The following TMEM178B variants were observed in gnomAD, a reference collection of about 807,000 sequenced individuals.
TMEM178B encodes transmembrane protein 178B.
TMEM178B carries 5 observed loss-of-function variants against 31.0 expected under a neutral mutation model. The ratio of observed to expected loss-of-function variants is 0.16; its 90% CI spans 0.08 to 0.34. The LOEUF is 0.34. Ranked by LOEUF, TMEM178B falls within the 10% of genes least tolerant of loss-of-function variation. The probability of loss-of-function intolerance (pLI) is 1.00; values close to 1 mark genes in which losing one functional copy is unlikely to be tolerated. For missense variants in TMEM178B, 275 were observed against 400.3 expected (o/e 0.69, Z 2.67); for synonymous variants, 164 against 164.0 (o/e 1.00, Z 0.00).
At chr7:141,417,114 G>A (rs1290007441) in intron 2 of TMEM178B, among the ~76,000 whole-genome samples, 1 of 152,190 alleles carries the variant, frequency 6.6e-6, no homozygotes, top group East Asian at 1.9e-4. Flanking sequence ...AGTAAGTGCT[G>A]AGTAAATGTC....
chr7:141,178,491 C>T (rs1024332748), intron 1 of TMEM178B, among the ~76,000 whole-genome samples: 12 of 152,218 alleles, frequency 7.9e-5, no homozygotes, highest in Admixed American at 4.6e-4. Flanking sequence ...AGATTACTTA[C>T]GCTTTGTGTG....
At chr7:141,431,185 A>G (rs1207091316) in intron 2 of TMEM178B, 1 of 147,962 alleles carries the variant, frequency 6.8e-6, no homozygotes, top group Admixed American at 6.7e-5. Context: ...TTTTTTTTCC[A>G]TGAAAAAAAA....
chr7:141,212,727 G>C, intron 2 of TMEM178B, 23 bp downstream of exon 2: 1 of 1,502,612 alleles, frequency 6.7e-7, no homozygotes, highest in Non-Finnish European at 9.0e-7. Context: ...GAGTCTCAGT[G>C]GCTGTGACTG....
chr7:141,390,254 C>A (rs1229322559), intron 2 of TMEM178B, among the ~76,000 whole-genome samples: 1 of 152,214 alleles, frequency 6.6e-6, no homozygotes, highest in African/African-American at 2.4e-5. Context: ...TTGGGGGCCA[C>A]ACCCTCTATG....
At chr7:141,076,940 A>G (rs1224400514) in intron 1 of TMEM178B, among the ~76,000 whole-genome samples, 1 of 152,316 alleles carries the variant, frequency 6.6e-6, no homozygotes, top group Admixed American at 6.5e-5. Context: ...CAGCCTTACA[A>G]ATCTTGAGAG....
chr7:141,241,453 G>A (rs997473657), intron 2 of TMEM178B, among the ~76,000 whole-genome samples: 2 of 151,916 alleles, frequency 1.3e-5, no homozygotes, highest in African/African-American at 4.8e-5. Context: ...TTAGCTGGGC[G>A]TGGTGGCAGG....
In TMEM178B at chr7:141,472,818, A is replaced by G. The variant is rs553778833; in HGVS notation, c.*2032A>G. Reference sequence around the variant, plus strand: ...GCGTGTATGTAATTCATATCTGGATATGATATGACATCTGATGTGCATGAA... The same window carrying G: ...GCGTGTATGTAATTCATATCTGGATGTGATATGACATCTGATGTGCATGAA... On this transcript the variant is annotated 3_prime_UTR_variant, in exon 4 of 4. Coordinates refer to ENST00000565468, the MANE Select transcript of TMEM178B (RefSeq NM_001195278.2). The G allele has an allele frequency of 1.3e-5, 2 of 152,304 alleles. No individual in the cohort carries two copies. Among genetic ancestry groups the G allele is most frequent in the East Asian group, 1.9e-4 (1 of 5,174 alleles). The allele number at this position is 152,304 out of a possible 1,614,324, so 9.4% of individuals were successfully genotyped here.
At position 141,175,898 on chromosome 7, in the gene TMEM178B, T is replaced by C. The variant is rs535013041; in HGVS notation, c.383-36693T>C. 7.8e-4 allele frequency among the ~76,000 whole-genome samples: 119 copies of C among 152,342 alleles called. No homozygotes were observed. The South Asian group carries it at 0.024, about 31-fold the overall frequency. On this transcript the variant is annotated intron_variant, in intron 1 of 3. Coordinates refer to ENST00000565468, the MANE Select transcript of TMEM178B (RefSeq NM_001195278.2). ...TTTCTAAATATACAAACATGTCATC[T>C]GCAAGCAGAGACCATTTGACTTCCT...
chr7:141,087,323 GA>G (rs1407700047), intron 1 of TMEM178B, among the ~76,000 whole-genome samples: 1 of 152,140 alleles, frequency 6.6e-6, no homozygotes, highest in Non-Finnish European at 1.5e-5. Context: ...ATTCCCTTCT[GA>G]TGTGTAAGAG....
chr7:141,444,233 T>C (rs368491121), intron 3 of TMEM178B, among the ~76,000 whole-genome samples: 2 of 152,198 alleles, frequency 1.3e-5, no homozygotes, highest in African/African-American at 4.8e-5. Flanking sequence ...TGAACTTAGA[T>C]ATATGCTCCA....
At position 141,283,513 on chromosome 7, in the gene TMEM178B, G is replaced by A. The variant is rs1015525854; in HGVS notation, c.496+70809G>A. On this transcript the variant is annotated intron_variant, in intron 2 of 3. Coordinates refer to ENST00000565468, the MANE Select transcript of TMEM178B (RefSeq NM_001195278.2). ...GATGGACTCTGATTTGCTTTTAAGT[G>A]TGCATTTCTCTAGAAATCTTTTTTT... 3.3e-5 allele frequency among the ~76,000 whole-genome samples: 5 copies of A among 152,214 alleles called. No individual in the cohort carries two copies. The East Asian group carries it at 9.6e-4, about 29-fold the overall frequency.
At chr7:141,079,160 G>C (rs1415934724) in intron 1 of TMEM178B, among the ~76,000 whole-genome samples, 1 of 152,154 alleles carries the variant, frequency 6.6e-6, no homozygotes, top group Non-Finnish European at 1.5e-5. Context: ...GGTGGTGTGT[G>C]TCTGTAATGC....
In TMEM178B at chr7:141,474,388, C is replaced by T. The variant is rs183387429; in HGVS notation, c.*3602C>T. 1 of 152,276 alleles carries T rather than the reference C, an allele frequency of 6.6e-6. No individual in the cohort carries two copies. The highest frequency in any genetic ancestry group is 1.9e-4 in the East Asian group (1 of 5,178). The allele number at this position is 152,276 out of a possible 1,614,324, so 9.4% of individuals were successfully genotyped here. On this transcript the variant is annotated 3_prime_UTR_variant, in exon 4 of 4. Transcript: ENST00000565468. ...AGAGGCTCCTAGACTCCAAGCAGCC[C>T]CCTTCCTTGTTCATTGTGGCTGTAG...
intron 1 of TMEM178B, among the ~76,000 whole-genome samples, chr7:141,166,896 CT>C (rs1281487711): frequency 3.3e-5 from 5 of 152,212 alleles, no homozygotes; most frequent in Non-Finnish European, 2.9e-5. Flanking sequence ...ACAGATTCCT[CT>C]TAACAAGCAT....
chr7:141,453,234 G>C (rs1801901235), intron 3 of TMEM178B, among the ~76,000 whole-genome samples: 1 of 152,176 alleles, frequency 6.6e-6, no homozygotes, highest in South Asian at 2.1e-4. Flanking sequence ...AACCTCCTTG[G>C]TGGCAGGGGC....
intron 3 of TMEM178B, among the ~76,000 whole-genome samples, chr7:141,441,015 C>G (rs1203487011): frequency 6.6e-6 from 1 of 152,216 alleles, no homozygotes; most frequent in East Asian, 1.9e-4. Context: ...GAAGATGACT[C>G]TCTCAGGGGT....
At chr7:141,221,250 A>T (rs142516425) in intron 2 of TMEM178B, among the ~76,000 whole-genome samples, 2 of 152,304 alleles carry the variant, frequency 1.3e-5, no homozygotes, top group East Asian at 3.9e-4. Context: ...GGAGCTTAAT[A>T]TGGCAGGTGA....
chr7:141,187,215 G>A (rs1416027774), intron 1 of TMEM178B, among the ~76,000 whole-genome samples: 2 of 150,210 alleles, frequency 1.3e-5, no homozygotes, highest in African/African-American at 4.9e-5. Context: ...CCTTGTGATA[G>A]TTTGCTGAGA....
Position 141,243,511 on chromosome 7 carries a change from C to T in TMEM178B, c.496+30807C>T, listed in dbSNP as rs866098538. 1.5e-4 allele frequency among the ~76,000 whole-genome samples: 23 copies of T among 152,112 alleles called. 1 individual carries two copies. The highest frequency in any genetic ancestry group is 6.8e-3 in the Middle Eastern group (2 of 294). On this transcript the variant is annotated intron_variant, in intron 2 of 3. Coordinates refer to ENST00000565468, the MANE Select transcript of TMEM178B (RefSeq NM_001195278.2). ...AGCAGGGGCTGGTGGTGTCCTCAAA[C>T]GGAGACTGGAGGAAGGGGAGCAGAG... is the stretch of plus-strand genomic sequence containing the variant.
Sources: gnomAD v4.1 joint callset for allele counts (sites outside exome capture counted in the v4.1 genomes callset) on GRCh38, gnomAD v4.1.1 for gene constraint, MANE v1.5 for transcripts, NCBI Gene and HGNC (gene_info 2026-07-23, HGNC 2026-07-21) for gene names.